Variants in ARHGAP19 observed in about 807,000 individuals in gnomAD.
ARHGAP19 encodes the protein Rho GTPase activating protein 19.
Under a neutral mutation model 60.9 loss-of-function variants are expected in ARHGAP19, and 48 were observed. That is an observed-to-expected ratio of 0.79 (90% CI 0.62 to 1.00). The LOEUF (loss-of-function observed/expected upper bound fraction) is 1.00. Ranked by LOEUF, ARHGAP19 falls within the 50% of genes least tolerant of loss-of-function variation. The probability of loss-of-function intolerance (pLI) is 0.00; values close to 1 mark genes in which losing one functional copy is unlikely to be tolerated. For synonymous variants in ARHGAP19, 209 were observed against 215.5 expected, an observed-to-expected ratio of 0.97 and a Z score of 0.27; for missense variants, 562 against 597.2, an observed-to-expected ratio of 0.94 and a Z score of 0.61.
chr10:97,238,137 C>T (rs974021378), intron 8 of ARHGAP19, among the ~76,000 whole-genome samples: 3 of 152,100 alleles, frequency 2.0e-5, no homozygotes, highest in African/African-American at 7.2e-5. Flanking sequence ...GATGTAGAGG[C>T]AGAAGACAGT....
chr10:97,263,553 A>G lies in ARHGAP19; in HGVS notation c.480T>C (p.Asn160=). ...CTGATTCCAAGTCAATGTCAGTTCC[A>G]TTATTGAGAGCATCCCTTAAAATCT... The part of the protein sequence containing the change: ...RQQILRDALN[N]GTDIDLESGE... The change falls in exon 4 of 12, where the codon AAT becomes AAC. Residue 160 remains asparagine, a synonymous_variant. Coordinates refer to ENST00000358531, the MANE Select transcript of ARHGAP19 (RefSeq NM_032900.6). 6.2e-7 allele frequency: 1 copy of G among 1,614,192 alleles called. No individual in the cohort carries two copies. The highest frequency in any genetic ancestry group is 1.3e-5 in the African/African-American group (1 of 75,042).
Position 97,224,764 on chromosome 10 carries a change from T to C in ARHGAP19, c.*1358A>G, listed in dbSNP as rs1159795563. ...ACAGAGCCAGGCACAAACCTGAGCATTCCCCCCTGCTACATGCTGCTCTCT... is the reference window on the plus strand; with the variant it reads ...ACAGAGCCAGGCACAAACCTGAGCACTCCCCCCTGCTACATGCTGCTCTCT... On this transcript the variant is annotated 3_prime_UTR_variant, in exon 12 of 12. Coordinates refer to ENST00000358531, the MANE Select transcript of ARHGAP19 (RefSeq NM_032900.6). 6.6e-6 allele frequency: 1 copy of C among 152,336 alleles called. No individual in the cohort carries two copies. Among genetic ancestry groups the C allele is most frequent in the Non-Finnish European group, 1.5e-5 (1 of 68,160 alleles). The allele number at this position is 152,336 out of a possible 1,614,324, so 9.4% of individuals were successfully genotyped here.
intron 1 of ARHGAP19, among the ~76,000 whole-genome samples, chr10:97,290,888 C>A (rs1009518242): frequency 6.6e-6 from 1 of 152,156 alleles, no homozygotes; most frequent in Middle Eastern, 3.4e-3. Flanking sequence ...TTAGGGCGGT[C>A]ATCGGCCAAT....
chr10:97,278,379 T>C (rs995799545), intron 1 of ARHGAP19, among the ~76,000 whole-genome samples: 1 of 152,222 alleles, frequency 6.6e-6, no homozygotes, highest in Non-Finnish European at 1.5e-5. Flanking sequence ...TTTCTTGACA[T>C]GCCAAACGTA....
Position 97,229,426 on chromosome 10 carries a change from C to T in ARHGAP19, c.1396-201G>A, listed in dbSNP as rs111708955. Among the ~76,000 whole-genome samples the T allele has an allele frequency of 4.9e-3, 753 of 152,206 alleles. 6 individuals carry two copies. Among genetic ancestry groups the T allele is most frequent in the African/African-American group, 0.017 (710 of 41,530 alleles). ...CCTAGGATATCTTGAACCACCACCC[C>T]ACAGGTAATATAGAGCCTAGGAGGC... On this transcript the variant is annotated intron_variant, in intron 10 of 11. Transcript: ENST00000358531.
At chr10:97,235,191 T>C in intron 9 of ARHGAP19, 26 bp downstream of exon 9, 1 of 1,557,938 alleles carries the variant, frequency 6.4e-7, no homozygotes, top group Non-Finnish European at 8.8e-7. Context: ...AAATCAATGC[T>C]GAAAACGACA....
At chr10:97,239,260 C>T (rs1402996274) in intron 8 of ARHGAP19, among the ~76,000 whole-genome samples, 6 of 152,014 alleles carry the variant, frequency 3.9e-5, no homozygotes, top group Admixed American at 3.3e-4. Flanking sequence ...TTTGGGAGGC[C>T]GAGGTGGGGG....
chr10:97,286,058 T>G (rs1313161816), intron 1 of ARHGAP19, among the ~76,000 whole-genome samples: 1 of 152,194 alleles, frequency 6.6e-6, no homozygotes, highest in East Asian at 1.9e-4. Flanking sequence ...TCTCTAAACC[T>G]GATCATTGAT....
intron 11 of ARHGAP19, among the ~76,000 whole-genome samples, chr10:97,226,717 T>C (rs889014338): frequency 1.3e-5 from 2 of 152,224 alleles, no homozygotes; most frequent in African/African-American, 4.8e-5. Flanking sequence ...TAAGACAATA[T>C]GTGAAGTAAA....
At chr10:97,233,624 T>C (rs1851068444) in intron 9 of ARHGAP19, among the ~76,000 whole-genome samples, 1 of 152,152 alleles carries the variant, frequency 6.6e-6, no homozygotes, top group South Asian at 2.1e-4. Flanking sequence ...TCCCAGTACT[T>C]TGGAAGGCCA....
intron 11 of ARHGAP19, 100 bp downstream of exon 11, chr10:97,229,047 G>T: frequency 8.4e-7 from 1 of 1,184,932 alleles, no homozygotes; most frequent in Non-Finnish European, 1.3e-6. Flanking sequence ...TGTCACTTCT[G>T]ACTACAAATG....
chr10:97,250,304 TTTCTC>T (rs1463182247), intron 6 of ARHGAP19, among the ~76,000 whole-genome samples: 1 of 152,154 alleles, frequency 6.6e-6, no homozygotes, highest in South Asian at 2.1e-4. Flanking sequence ...TCTTTTAACT[TTTCTC>T]TATATTTGAA....
rs1258588020 is a variant in ARHGAP19, at chr10:97,224,926, G to A, written c.*1196C>T. On this transcript the variant is annotated 3_prime_UTR_variant, in exon 12 of 12. Coordinates refer to ENST00000358531, the MANE Select transcript of ARHGAP19 (RefSeq NM_032900.6). ...CTGTGTCCCTTCTGACAAAGAGAGG[G>A]CGGAACAGTAACACTCCTTGAACAT... The A allele has an allele frequency of 6.6e-6, 1 of 152,366 alleles. No individual in the cohort carries two copies. The highest frequency in any genetic ancestry group is 1.5e-5 in the Non-Finnish European group (1 of 68,166). The allele number at this position is 152,366 out of a possible 1,614,324, so 9.4% of individuals were successfully genotyped here. A position where few individuals can be genotyped will look rare whatever the true frequency, so the allele number is the denominator to read the frequency against.
chr10:97,239,715 C>CT (rs201091008), intron 8 of ARHGAP19, among the ~76,000 whole-genome samples: 49 of 146,188 alleles, frequency 3.4e-4, no homozygotes, highest in East Asian at 3.0e-3. Context: ...TTTTTGTTTT[C>CT]TTTTTTTTTT....
chr10:97,234,417 A>T (rs1461180501), intron 9 of ARHGAP19, among the ~76,000 whole-genome samples: 10 of 2,580 alleles, frequency 3.9e-3, no homozygotes, highest in South Asian at 0.1. Flanking sequence ...ATAAAAATTA[A>T]AAAAAAAAAA....
At chr10:97,264,359 G>A (rs1351221018) in intron 3 of ARHGAP19, among the ~76,000 whole-genome samples, 1 of 152,004 alleles carries the variant, frequency 6.6e-6, no homozygotes, top group African/African-American at 2.4e-5. Flanking sequence ...AGGCCAAGGT[G>A]GGAGAATCAC....
chr10:97,287,452 A>C (rs1456036389), intron 1 of ARHGAP19, among the ~76,000 whole-genome samples: 1 of 152,234 alleles, frequency 6.6e-6, no homozygotes, highest in African/African-American at 2.4e-5. Flanking sequence ...TTCCTTGTTT[A>C]AATCTTTGGC....
intron 4 of ARHGAP19, among the ~76,000 whole-genome samples, chr10:97,263,155 T>C (rs965617665): frequency 6.6e-6 from 1 of 152,056 alleles, no homozygotes; most frequent in Admixed American, 6.6e-5. Context: ...CTATCAGAGA[T>C]TCAAAAATAA....
At chr10:97,286,073 T>G (rs913645567) in intron 1 of ARHGAP19, among the ~76,000 whole-genome samples, 1 of 152,180 alleles carries the variant, frequency 6.6e-6, no homozygotes. Flanking sequence ...ATTGATAAAA[T>G]GTAAAATAAA....
Sources: allele counts gnomAD v4.1 joint callset (sites outside exome capture counted in the v4.1 genomes callset), GRCh38; gene constraint gnomAD v4.1.1; transcripts MANE v1.5; gene names NCBI Gene and HGNC (gene_info 2026-07-23, HGNC 2026-07-21).